CABP5: variants seen among roughly 807,000 people sequenced by gnomAD.
CABP5 encodes calcium-binding protein 5.
Under a neutral mutation model 21.9 loss-of-function variants are expected in CABP5, and 17 were observed. The observed-to-expected ratio is 0.78, with a 90% CI of 0.53 to 1.17. The LOEUF (loss-of-function observed/expected upper bound fraction) is 1.17. Ranked by LOEUF, CABP5 falls within the 50% of genes most tolerant of loss-of-function variation. CABP5 has a pLI of 0.00. For missense variants in CABP5, 229 were observed against 228.9 expected (o/e 1.00, Z 0.00); for synonymous variants, 85 against 79.4 (o/e 1.07, Z -0.37).
intron 2 of CABP5, 114 bp downstream of exon 2, chr19:48,041,459 G>A: frequency 9.9e-7 from 1 of 1,008,544 alleles, no homozygotes; most frequent in African/African-American, 1.6e-5. Flanking sequence ...TGGGAAGAGA[G>A]AGGGATTGTA....
In CABP5 at chr19:48,034,279, G is replaced by C. The variant is rs139877622; in HGVS notation, c.432C>G (p.Pro144=). ...CCCGGACAACCTCAGAGATCTCCCG[G>C]GGGGTGAGCCGCTCCCCCAGGAGTC... ...MQRLLGERLT[P]REISEVVREA... Residue 144 remains proline (P), a synonymous_variant, in exon 5 of 6, where the codon CCC becomes CCG. Coordinates refer to ENST00000293255, the MANE Select transcript of CABP5 (RefSeq NM_019855.5). 2 of 1,608,598 alleles carry C rather than the reference G, an allele frequency of 1.2e-6. No homozygotes were observed. The highest frequency in any genetic ancestry group is 8.5e-7 in the Non-Finnish European group (1 of 1,177,842).
At chr19:48,039,488 G>A (rs1008102953) in intron 3 of CABP5, among the ~76,000 whole-genome samples, 171 bp from the exon 4 acceptor site, 1 of 152,090 alleles carries the variant, frequency 6.6e-6, no homozygotes, top group African/African-American at 2.4e-5. Flanking sequence ...TGTCCCTCTA[G>A]CCTGAACAGG....
intron 4 of CABP5, among the ~76,000 whole-genome samples, chr19:48,036,757 C>G (rs1001569730): frequency 3.3e-5 from 5 of 152,144 alleles, no homozygotes; most frequent in African/African-American, 1.2e-4. Flanking sequence ...AGCCATCTCT[C>G]TAAAGAAGAC....
intron 1 of CABP5, 114 bp downstream of exon 1, chr19:48,043,746 T>A (rs1967513519): frequency 1.1e-6 from 1 of 881,200 alleles, no homozygotes; most frequent in Non-Finnish European, 1.6e-6. Context: ...TCTCAGCTCC[T>A]GCTCTATCCA....
chr19:48,030,619 CGTT>C (rs770999972), intron 5 of CABP5, 37 bp from the exon 6 acceptor site: 6 of 1,606,648 alleles, frequency 3.7e-6, no homozygotes, highest in Middle Eastern at 3.3e-4. Context: ...TAAGGCATCT[CGTT>C]GTAAAAGCCC....
At chr19:48,041,372 G>A in intron 2 of CABP5, 1 of 601,290 alleles carries the variant, frequency 1.7e-6, no homozygotes, top group Non-Finnish European at 3.0e-6. Flanking sequence ...AGATACTTGA[G>A]GATGGATATG....
At chr19:48,036,165 G>A (rs1288209182) in intron 4 of CABP5, among the ~76,000 whole-genome samples, 1 of 152,096 alleles carries the variant, frequency 6.6e-6, no homozygotes, top group Admixed American at 6.6e-5. Context: ...GCAGAGCTTT[G>A]GAGGCAGTTC....
chr19:48,030,692 T>C (rs1967329991), intron 5 of CABP5, 110 bp from the exon 6 acceptor site: 1 of 997,010 alleles, frequency 1.0e-6, no homozygotes, highest in African/African-American at 1.6e-5. Flanking sequence ...CCCTGGGAAA[T>C]TACTTAATCC....
At chr19:48,043,518 T>TCACCACCACCACCACCA (rs1967508772) in intron 1 of CABP5, among the ~76,000 whole-genome samples, 1 of 100 alleles carries the variant, frequency 0.01, no homozygotes, top group Non-Finnish European at 0.02. Context: ...AACGTCATCA[T>TCACCACCACCACCACCA]TATCATCACC....
chr19:48,029,798 CAGAGAGAGAGAGAG>C lies in CABP5; in HGVS notation c.*745_*758del, dbSNP rs72005770. The stretch of plus-strand genomic sequence containing the variant: ...GGGAGGGGAGACAGAGACAGACAGA[CAGAGAGAGAGAGAG>C]AGAGAGAGAGAGAGAGAGAGAGAGA... On this transcript the variant is annotated 3_prime_UTR_variant, in exon 6 of 6. Transcript: ENST00000293255. 4.6e-3 allele frequency among the ~76,000 whole-genome samples: 549 copies of C among 120,242 alleles called. 3 individuals are homozygous for C. The highest frequency in any genetic ancestry group is 5.6e-3 in the Non-Finnish European group (327 of 57,964). 78.9% of individuals were successfully genotyped at this position (120,242 alleles called of 152,430 possible).
At chr19:48,039,358 C>T (rs371388887) in intron 3 of CABP5, 41 bp from the exon 4 acceptor site, 16 of 1,505,646 alleles carry the variant, frequency 1.1e-5, no homozygotes, top group Admixed American at 1.7e-5. Context: ...CCCACAAGCC[C>T]TGGCCTTCCA....
At position 48,041,921 on chromosome 19, in the gene CABP5, G is replaced by A. The variant is rs76225261; in HGVS notation, c.64-318C>T. 5.0e-3 allele frequency among the ~76,000 whole-genome samples: 755 copies of A among 152,224 alleles called. 9 individuals carry two copies. The highest frequency in any genetic ancestry group is 0.017 in the African/African-American group (718 of 41,530). ...GGAGTCCAATCTCCAGATGAAAAAA[G>A]TGAGACTTCACAACCACAGCTAACT... is the stretch of plus-strand genomic sequence containing the variant. On this transcript the variant is annotated intron_variant, in intron 1 of 5. Transcript: ENST00000293255.
chr19:48,041,540 C>T, intron 2 of CABP5, 33 bp downstream of exon 2: 1 of 1,610,158 alleles, frequency 6.2e-7, no homozygotes, highest in Non-Finnish European at 8.5e-7. Flanking sequence ...GGGTGGATGG[C>T]AACGTGGAAG....
At chr19:48,030,890 G>A (rs567246597) in intron 5 of CABP5, among the ~76,000 whole-genome samples, 1 of 151,000 alleles carries the variant, frequency 6.6e-6, no homozygotes, top group East Asian at 1.9e-4. Context: ...AACTTTGGGA[G>A]GCCGAGGTGG....
In CABP5 at chr19:48,043,926, G is replaced by C; in HGVS notation, c.-4C>G. The C allele has an allele frequency of 6.6e-7, 1 of 1,508,228 alleles. No individual in the cohort carries two copies. Among genetic ancestry groups the C allele is most frequent in the Non-Finnish European group, 8.8e-7 (1 of 1,134,768 alleles). The allele number at this position is 1,508,228 out of a possible 1,614,324, so 93.4% of individuals were successfully genotyped here. A position where few individuals can be genotyped will look rare whatever the true frequency, so the allele number is the denominator to read the frequency against. On this transcript the variant is annotated 5_prime_UTR_variant, in exon 1 of 6. Transcript: ENST00000293255. Reference sequence around the variant, plus strand: ...CGGGGCCCATGGGGAACTGCATGGAGGGGTGGGGTGGAGCTCGCAGGGCAC... The same window carrying C: ...CGGGGCCCATGGGGAACTGCATGGACGGGTGGGGTGGAGCTCGCAGGGCAC...
At position 48,040,652 on chromosome 19, in the gene CABP5, G is replaced by A. The variant is rs538579433; in HGVS notation, c.191C>T (p.Pro64Leu). 25 of 1,613,858 alleles carry A rather than the reference G, an allele frequency of 1.5e-5. No homozygotes were observed. The South Asian group carries it at 2.2e-4, about 14-fold the overall frequency. ...GAGCTCAATCAGTTCCATCTCCGTG[G>A]GCATGTAACCCATCGTCCTCATGAG... Reference protein sequence around the residue: ...GNLMRTMGYMPTEMELIELGQ... With the variant: ...GNLMRTMGYMLTEMELIELGQ... Residue 64 changes from proline to leucine, a missense_variant, in exon 3 of 6, where the codon CCC (proline) becomes CTC (leucine). Coordinates refer to ENST00000293255, the MANE Select transcript of CABP5 (RefSeq NM_019855.5).
chr19:48,039,422 A>T, intron 3 of CABP5, 105 bp from the exon 4 acceptor site: 1 of 816,692 alleles, frequency 1.2e-6, no homozygotes, highest in Non-Finnish European at 2.1e-6. Context: ...TCCCTGCCCT[A>T]TAAGAGCCGT....
At chr19:48,043,721 G>A (rs572944381) in intron 1 of CABP5, 139 bp downstream of exon 1, 5 of 656,682 alleles carry the variant, frequency 7.6e-6, no homozygotes, top group Non-Finnish European at 1.1e-5. Flanking sequence ...AGGGTCCTTG[G>A]AATTTCTTAT....
chr19:48,030,714 C>A, intron 5 of CABP5, 132 bp from the exon 6 acceptor site: 1 of 806,102 alleles, frequency 1.2e-6, no homozygotes. Flanking sequence ...TCTATGCTTC[C>A]ATTTCTCCAT....
Sources: gnomAD v4.1 joint callset for allele counts (sites outside exome capture counted in the v4.1 genomes callset) on GRCh38, gnomAD v4.1.1 for gene constraint, MANE v1.5 for transcripts, NCBI Gene and HGNC (gene_info 2026-07-23, HGNC 2026-07-21) for gene names.